The following CTNNA3 variants were observed in gnomAD, a reference collection of about 807,000 sequenced individuals.
CTNNA3 encodes the protein catenin alpha 3.
A neutral mutation model predicts 95.7 loss-of-function variants in CTNNA3; 76 were observed. The ratio of observed to expected loss-of-function variants is 0.79; its 90% CI spans 0.66 to 0.96. The LOEUF is 0.96. CTNNA3 is among the 40% of genes least tolerant of loss of function. CTNNA3 has a pLI of 0.00. For missense variants in CTNNA3, 1,191 were observed against 1,089.8 expected (o/e 1.09, Z -1.31); for synonymous variants, 431 against 374.4 (o/e 1.15, Z -1.74).
intron 2 of CTNNA3, among the ~76,000 whole-genome samples, chr10:67,611,970 C>A (rs1416574184): frequency 6.6e-6 from 1 of 152,046 alleles, no homozygotes; most frequent in Non-Finnish European, 1.5e-5. Flanking sequence ...AAACTGTGAT[C>A]TTTCAAAGTA....
At chr10:66,098,636 A>G (rs1321100537) in intron 14 of CTNNA3, 1 of 152,124 alleles carries the variant, frequency 6.6e-6, no homozygotes, top group Non-Finnish European at 1.5e-5. Flanking sequence ...TAAAAGGTGT[A>G]TTTTCATGTC....
At chr10:67,472,659 A>C (rs1193373162) in intron 5 of CTNNA3, among the ~76,000 whole-genome samples, 1 of 152,184 alleles carries the variant, frequency 6.6e-6, no homozygotes, top group African/African-American at 2.4e-5. Flanking sequence ...ATATGTAATC[A>C]AGAAATAACC....
At position 66,769,461 on chromosome 10, in the gene CTNNA3, C is replaced by T. The variant is rs183147432; in HGVS notation, c.1129-3045G>A. On this transcript the variant is annotated intron_variant, in intron 8 of 17. Transcript: ENST00000433211. ...TTGCTGGTTCCTGATCCTTTACCTTCACTATTATGAACTACATTATAGACT... is the reference window on the plus strand; with the variant it reads ...TTGCTGGTTCCTGATCCTTTACCTTTACTATTATGAACTACATTATAGACT... 2.6e-5 allele frequency among the ~76,000 whole-genome samples: 4 copies of T among 152,356 alleles called. No homozygotes were observed. In the East Asian group the frequency reaches 7.7e-4, roughly 29 times the overall value.
chr10:66,978,552 A>AAAAAAAATATATAT, intron 7 of CTNNA3, among the ~76,000 whole-genome samples: 1 of 37,884 alleles, frequency 2.6e-5, no homozygotes, highest in Non-Finnish European at 4.8e-5. Context: ...AAAAAAAAAA[A>AAAAAAAATATATAT]ATATATATAT....
At chr10:66,416,788 G>T (rs1401439319) in intron 11 of CTNNA3, among the ~76,000 whole-genome samples, 1 of 151,882 alleles carries the variant, frequency 6.6e-6, no homozygotes, top group Admixed American at 6.6e-5. Context: ...CCACTAGACT[G>T]ACCATACAAT....
chr10:66,623,002 G>A (rs1844804512), intron 9 of CTNNA3, among the ~76,000 whole-genome samples: 1 of 151,956 alleles, frequency 6.6e-6, no homozygotes, highest in Non-Finnish European at 1.5e-5. Flanking sequence ...ATGTACATGG[G>A]GATGGCTTAC....
At chr10:66,651,539 C>A (rs991504757) in intron 9 of CTNNA3, among the ~76,000 whole-genome samples, 1 of 152,056 alleles carries the variant, frequency 6.6e-6, no homozygotes, top group Non-Finnish European at 1.5e-5. Flanking sequence ...GAGGCTCGGG[C>A]CTTGCGTGGG....
chr10:66,963,430 T>C (rs1345005591), intron 7 of CTNNA3, among the ~76,000 whole-genome samples: 2 of 152,178 alleles, frequency 1.3e-5, no homozygotes, highest in African/African-American at 4.8e-5. Context: ...TCCTGGGCAC[T>C]TGAAAAAGAT....
chr10:67,288,829 A>C (rs777549121), intron 5 of CTNNA3, among the ~76,000 whole-genome samples: 48 of 152,282 alleles, frequency 3.2e-4, no homozygotes, highest in Non-Finnish European at 6.0e-4. Flanking sequence ...AATGATAGGT[A>C]AGTTTAGTAG....
At chr10:67,725,411 T>C (rs998261370) in intron 1 of CTNNA3, among the ~76,000 whole-genome samples, 1 of 152,236 alleles carries the variant, frequency 6.6e-6, no homozygotes, top group African/African-American at 2.4e-5. Flanking sequence ...TCTCCTGACC[T>C]CGTGATTCGC....
intron 7 of CTNNA3, among the ~76,000 whole-genome samples, chr10:67,119,985 C>G (rs1419529755): frequency 6.6e-6 from 1 of 151,802 alleles, no homozygotes. Context: ...AAAATGAGAA[C>G]ATTTCCATAT....
At position 65,918,935 on chromosome 10, in the gene CTNNA3, C is replaced by T. The variant is rs1177820662; in HGVS notation, c.*1395G>A. ...ATGTGTAAATTTTTTTCTCATCAAT[C>T]TAAGGTTACATCGTTGCTGAGACGC... On this transcript the variant is annotated 3_prime_UTR_variant, in exon 18 of 18. Coordinates refer to ENST00000433211, the MANE Select transcript of CTNNA3 (RefSeq NM_013266.4). The T allele has an allele frequency of 6.6e-6, 1 of 152,058 alleles. No individual in the cohort carries two copies. Among genetic ancestry groups the T allele is most frequent in the Non-Finnish European group, 1.5e-5 (1 of 67,994 alleles). The allele number at this position is 152,058 out of a possible 1,614,324, so 9.4% of individuals were successfully genotyped here. A position where few individuals can be genotyped will look rare whatever the true frequency, so the allele number is the denominator to read the frequency against.
intron 12 of CTNNA3, among the ~76,000 whole-genome samples, chr10:66,355,672 CT>C (rs2092603093): frequency 1.3e-5 from 2 of 151,950 alleles, no homozygotes; most frequent in Non-Finnish European, 2.9e-5. Context: ...TCTATTATGA[CT>C]TTTCACTCTT....
intron 15 of CTNNA3, among the ~76,000 whole-genome samples, chr10:66,004,446 C>G (rs1042627767): frequency 6.6e-6 from 1 of 152,046 alleles, no homozygotes; most frequent in Non-Finnish European, 1.5e-5. Context: ...GGGGGAATTA[C>G]TATGGTTTTC....
rs1864559399 is a variant in CTNNA3, at chr10:67,219,685, A to T, written c.765T>A (p.Ala255=). 1 of 1,614,136 alleles carries T rather than the reference A, an allele frequency of 6.2e-7. No homozygotes were observed. ...TTGTCATATTCTGGATCCCTTGTGA[A>T]GCATTTGAAATTACATTGAGAGCAT... ...IQNALNVISN[A]SQGIQNMTTP... Residue 255 remains alanine, a synonymous_variant, in exon 6 of 18, where the codon GCT becomes GCA. Transcript: ENST00000433211.
chr10:67,675,718 A>G (rs1421833511), intron 1 of CTNNA3, among the ~76,000 whole-genome samples: 1 of 152,196 alleles, frequency 6.6e-6, no homozygotes, highest in Non-Finnish European at 1.5e-5. Flanking sequence ...GCAAAGACAC[A>G]TGGCAAAGGG....
At chr10:67,259,833 C>A (rs1337870961) in intron 5 of CTNNA3, among the ~76,000 whole-genome samples, 1 of 152,140 alleles carries the variant, frequency 6.6e-6, no homozygotes, top group East Asian at 1.9e-4. Flanking sequence ...TCATAAGTAG[C>A]ACAGGCAGTT....
At chr10:67,147,334 C>T (rs572298282) in intron 7 of CTNNA3, among the ~76,000 whole-genome samples, 2 of 152,062 alleles carry the variant, frequency 1.3e-5, no homozygotes, top group South Asian at 4.1e-4. Context: ...CATCTAAAAG[C>T]CTGGGATAAT....
chr10:66,443,280 G>A (rs566138973), intron 11 of CTNNA3, among the ~76,000 whole-genome samples: 348 of 152,290 alleles, frequency 2.3e-3, no homozygotes, highest in African/African-American at 8.2e-3. Flanking sequence ...AGACTTAAAT[G>A]TCCCTGTCTG....
Sources: gnomAD v4.1 joint callset for allele counts (sites outside exome capture counted in the v4.1 genomes callset) on GRCh38, gnomAD v4.1.1 for gene constraint, MANE v1.5 for transcripts, NCBI Gene and HGNC (gene_info 2026-07-23, HGNC 2026-07-21) for gene names.